MARCHF1: variants seen among roughly 807,000 people sequenced by gnomAD.
MARCHF1 encodes membrane associated ring-CH-type finger 1.
MARCHF1 carries 40 observed loss-of-function variants against 54.2 expected under a neutral mutation model. The observed-to-expected ratio is 0.74, with a 90% CI of 0.57 to 0.96. MARCHF1 has a LOEUF of 0.96. Ranked by LOEUF, MARCHF1 falls within the 40% of genes least tolerant of loss-of-function variation. MARCHF1 has a pLI of 0.00. For synonymous variants in MARCHF1, 236 were observed against 236.3 expected (o/e 1.00, Z 0.01); for missense variants, 586 against 656.5 (o/e 0.89, Z 1.17).
At chr4:164,240,588 G>A (rs932526458) in intron 1 of MARCHF1, among the ~76,000 whole-genome samples, 2 of 151,872 alleles carry the variant, frequency 1.3e-5, no homozygotes, top group Admixed American at 6.6e-5. Flanking sequence ...TAAGTCCTCA[G>A]GCATTCTTAT....
intron 1 of MARCHF1, among the ~76,000 whole-genome samples, chr4:164,301,175 A>G (rs1036128914): frequency 6.6e-6 from 1 of 152,204 alleles, no homozygotes; most frequent in African/African-American, 2.4e-5. Context: ...AATAGCTACC[A>G]TGACTATGTG....
At position 163,606,802 on chromosome 4, in the gene MARCHF1, A is replaced by G. The variant is rs574698224; in HGVS notation, c.1010+5469T>C. On this transcript the variant is annotated intron_variant, in intron 7 of 9. Transcript: ENST00000514618. ...ATTTGGAGGGGTTGCCGATGGCTAC[A>G]TTTTAAATCCAGTCTTCCCATTCAA... is the stretch of plus-strand genomic sequence containing the variant. Among the ~76,000 whole-genome samples, 7 of 152,122 alleles carry G rather than the reference A, an allele frequency of 4.6e-5. No homozygotes were observed. The South Asian group carries it at 1.5e-3, about 32-fold the overall frequency.
intron 1 of MARCHF1, among the ~76,000 whole-genome samples, chr4:164,224,989 T>C (rs1211764542): frequency 6.6e-6 from 1 of 152,054 alleles, no homozygotes; most frequent in Non-Finnish European, 1.5e-5. Flanking sequence ...ATGCATGCAT[T>C]CTTCAGGGCT....
intron 2 of MARCHF1, among the ~76,000 whole-genome samples, chr4:164,099,474 A>C (rs1459445809): frequency 6.6e-6 from 1 of 152,164 alleles, no homozygotes. Flanking sequence ...AATCAGTTTG[A>C]GATAAGCTCT....
intron 2 of MARCHF1, among the ~76,000 whole-genome samples, chr4:164,110,734 G>A (rs1344325886): frequency 6.7e-6 from 1 of 149,942 alleles, no homozygotes; most frequent in East Asian, 1.9e-4. Flanking sequence ...AAAGCTGCAA[G>A]TGTCAAAATA....
Position 164,139,019 on chromosome 4 carries a change from A to G in MARCHF1, c.-322-27357T>C, listed in dbSNP as rs559263177. On this transcript the variant is annotated intron_variant, in intron 1 of 9. Coordinates refer to ENST00000514618, the MANE Select transcript of MARCHF1 (RefSeq NM_001394959.1). ...TGGCTTCTTTGAAATTGAATTCTGC[A>G]TATGTAAAATGTATATTAAAGCAAT... Among the ~76,000 whole-genome samples the G allele has an allele frequency of 2.0e-5, 3 of 152,348 alleles. No individual in the cohort carries two copies. In the South Asian group the frequency reaches 6.2e-4, roughly 32 times the overall value.
At chr4:163,576,682 CT>C (rs770264197) in intron 8 of MARCHF1, among the ~76,000 whole-genome samples, 59 of 151,902 alleles carry the variant, frequency 3.9e-4, no homozygotes, top group Non-Finnish European at 6.6e-4. Context: ...GTGGCTAAGT[CT>C]TTTCTTAGAT....
intron 4 of MARCHF1, among the ~76,000 whole-genome samples, chr4:163,719,562 G>C (rs1201288801): frequency 6.6e-6 from 1 of 152,032 alleles, no homozygotes; most frequent in East Asian, 1.9e-4. Flanking sequence ...GGGATGGCTG[G>C]GTCAAATGGT....
chr4:164,208,065 G>C (rs1408327129), intron 1 of MARCHF1, among the ~76,000 whole-genome samples: 1 of 152,140 alleles, frequency 6.6e-6, no homozygotes, highest in Non-Finnish European at 1.5e-5. Flanking sequence ...TTTCAGAGAG[G>C]AGCTTTCTAG....
rs150391989 is a variant in MARCHF1, at chr4:164,084,055, C to T, written c.-248+27533G>A. ...ATCACTGAGCATGTGATTCAATATG[C>T]TTATCTCATTGCATAATCATTGTAA... On this transcript the variant is annotated intron_variant, in intron 2 of 9. Coordinates refer to ENST00000514618, the MANE Select transcript of MARCHF1 (RefSeq NM_001394959.1). Among the ~76,000 whole-genome samples, 54 of 152,002 alleles carry T rather than the reference C, an allele frequency of 3.6e-4. 2 individuals are homozygous for T. In the East Asian group the frequency reaches 9.1e-3, roughly 26 times the overall value.
At chr4:164,352,658 T>G (rs2110891255) in intron 1 of MARCHF1, among the ~76,000 whole-genome samples, 1 of 150,730 alleles carries the variant, frequency 6.6e-6, no homozygotes, top group African/African-American at 2.4e-5. Flanking sequence ...TGCAAAATCA[T>G]GCCAAAATGT....
intron 4 of MARCHF1, among the ~76,000 whole-genome samples, chr4:163,754,948 A>G (rs78222779): frequency 0.023 from 3,475 of 152,158 alleles, 100 homozygotes; most frequent in African/African-American, 0.07. Flanking sequence ...ATGAACTGCA[A>G]TTTTGCCCCT....
intron 1 of MARCHF1, chr4:164,197,511 C>G (rs747749453): frequency 3.1e-6 from 5 of 1,613,422 alleles, no homozygotes; most frequent in African/African-American, 1.3e-5. Flanking sequence ...TTAGTTCAAG[C>G]TTTCTCAACT....
chr4:163,894,562 TATATATATATGCATGTGATGC>T (rs1750734299), intron 3 of MARCHF1, among the ~76,000 whole-genome samples: 1 of 127,946 alleles, frequency 7.8e-6, no homozygotes, highest in Non-Finnish European at 1.7e-5. Context: ...TGCACATGCA[TATATATATATGCATGTGATGC>T]ATATATATAT....
intron 2 of MARCHF1, among the ~76,000 whole-genome samples, chr4:164,065,044 C>T (rs752162295): frequency 1.7e-4 from 26 of 152,166 alleles, no homozygotes; most frequent in Admixed American, 5.2e-4. Context: ...TTGCTGGATT[C>T]GGTTTGCCAG....
chr4:163,900,304 G>C (rs957175208), intron 3 of MARCHF1, among the ~76,000 whole-genome samples: 4 of 150,848 alleles, frequency 2.7e-5, no homozygotes, highest in African/African-American at 9.7e-5. Flanking sequence ...CTGGCAAGCA[G>C]ACATCGTTAT....
chr4:164,213,991 G>C (rs993773312), intron 1 of MARCHF1, among the ~76,000 whole-genome samples: 6 of 152,034 alleles, frequency 3.9e-5, no homozygotes, highest in African/African-American at 1.4e-4. Flanking sequence ...CATTTGCTCT[G>C]ATGTAATTGT....
intron 1 of MARCHF1, among the ~76,000 whole-genome samples, chr4:164,241,469 G>A (rs188107691): frequency 1.3e-5 from 2 of 152,242 alleles, no homozygotes; most frequent in African/African-American, 4.8e-5. Flanking sequence ...TTTGACAATA[G>A]TTTGCCTTCC....
chr4:163,550,666 A>G (rs1472707484), intron 8 of MARCHF1, among the ~76,000 whole-genome samples: 1 of 152,216 alleles, frequency 6.6e-6, no homozygotes, highest in Non-Finnish European at 1.5e-5. Context: ...CGAAAATAAT[A>G]CCTGAAACAG....
Sources: allele counts gnomAD v4.1 joint callset (sites outside exome capture counted in the v4.1 genomes callset), GRCh38; gene constraint gnomAD v4.1.1; transcripts MANE v1.5; gene names NCBI Gene and HGNC (gene_info 2026-07-23, HGNC 2026-07-21).